The following PXDNL variants were observed in gnomAD, a reference collection of about 807,000 sequenced individuals.
The protein encoded by PXDNL is peroxidasin like.
PXDNL carries 145 observed loss-of-function variants against 150.8 expected under a neutral mutation model. The ratio of observed to expected loss-of-function variants is 0.96; its 90% CI spans 0.84 to 1.10. The LOEUF (loss-of-function observed/expected upper bound fraction) is 1.10. Among genes scored for constraint, PXDNL ranks in the 50% least tolerant of loss-of-function variants. PXDNL has a pLI of 0.00. For missense variants in PXDNL, 2,087 were observed against 1,873.9 expected (o/e 1.11, Z -2.10); for synonymous variants, 757 against 725.7 (o/e 1.04, Z -0.69).
intron 21 of PXDNL, among the ~76,000 whole-genome samples, chr8:51,326,341 T>C (rs1805486763): frequency 6.6e-6 from 1 of 151,968 alleles, no homozygotes; most frequent in Non-Finnish European, 1.5e-5. Context: ...CTGCTAAAAA[T>C]ACAAAAATTA....
intron 4 of PXDNL, among the ~76,000 whole-genome samples, chr8:51,539,086 G>A (rs564935715): frequency 6.6e-6 from 1 of 152,220 alleles, no homozygotes; most frequent in African/African-American, 2.4e-5. Context: ...CACTGAGTAT[G>A]AAATTCACCA....
At chr8:51,768,510 C>T (rs1027393649) in intron 1 of PXDNL, among the ~76,000 whole-genome samples, 2 of 151,896 alleles carry the variant, frequency 1.3e-5, no homozygotes, top group Non-Finnish European at 2.9e-5. Flanking sequence ...AGTGAAACTT[C>T]TGGGAAAAAA....
At chr8:51,361,230 C>T (rs1050798756) in intron 19 of PXDNL, among the ~76,000 whole-genome samples, 1 of 152,088 alleles carries the variant, frequency 6.6e-6, no homozygotes, top group South Asian at 2.1e-4. Flanking sequence ...TGCAGAATCA[C>T]GTTGGATCTG....
At chr8:51,335,078 G>A (rs1805797057) in intron 21 of PXDNL, among the ~76,000 whole-genome samples, 1 of 152,138 alleles carries the variant, frequency 6.6e-6, no homozygotes. Context: ...GTTTAATGAA[G>A]TGAGGAGGCT....
chr8:51,664,585 G>A (rs956431180), intron 1 of PXDNL, among the ~76,000 whole-genome samples: 1 of 152,164 alleles, frequency 6.6e-6, no homozygotes, highest in Non-Finnish European at 1.5e-5. Context: ...TGGTATCGCT[G>A]AGATCAGACT....
intron 18 of PXDNL, among the ~76,000 whole-genome samples, chr8:51,373,718 G>A (rs1439528839): frequency 6.6e-6 from 1 of 152,096 alleles, no homozygotes; most frequent in Non-Finnish European, 1.5e-5. Context: ...TTTGTTTCAA[G>A]TCTTATATAC....
intron 1 of PXDNL, among the ~76,000 whole-genome samples, chr8:51,705,562 C>A (rs1816359101): frequency 6.6e-6 from 1 of 152,196 alleles, no homozygotes; most frequent in Non-Finnish European, 1.5e-5. Context: ...GTGATAATTT[C>A]TCTATCAGAA....
intron 21 of PXDNL, among the ~76,000 whole-genome samples, chr8:51,329,158 A>C (rs1288625905): frequency 6.6e-6 from 1 of 152,222 alleles, no homozygotes; most frequent in Non-Finnish European, 1.5e-5. Flanking sequence ...CCCACTAGAA[A>C]GCTGAGGTTT....
At chr8:51,593,797 C>A (rs1241396067) in intron 2 of PXDNL, among the ~76,000 whole-genome samples, 1 of 152,144 alleles carries the variant, frequency 6.6e-6, no homozygotes, top group South Asian at 2.1e-4. Context: ...GGTGTCCTGG[C>A]CATTGGGAGG....
intron 1 of PXDNL, among the ~76,000 whole-genome samples, chr8:51,744,065 G>A (rs59639172): frequency 0.1 from 4,968 of 47,358 alleles, 538 homozygotes; most frequent in East Asian, 0.24. Context: ...AAGGAAGGAA[G>A]GAAGGAAGGA....
At chr8:51,369,766 A>G (rs1250474606) in intron 19 of PXDNL, among the ~76,000 whole-genome samples, 1 of 152,198 alleles carries the variant, frequency 6.6e-6, no homozygotes, top group East Asian at 1.9e-4. Flanking sequence ...TATTCTTATT[A>G]TTGATTGGGA....
At position 51,409,091 on chromosome 8, in the gene PXDNL, T is replaced by A. The variant is rs565480135; in HGVS notation, c.2533A>T (p.Met845Leu). Residue 845 changes from methionine to leucine, a missense_variant, in exon 17 of 23, where the codon ATG becomes TTG. By Grantham distance (15) the Met-to-Leu change is conservative (BLOSUM62 2). Transcript: ENST00000356297. ...VCTNDPPCFP[M>L]NTRHADPRGT... ...CGGGGGTCGGCGTGCCGGGTGTTCA[T>A]GGGGAAACAAGGAGGGTCGTTGGTG... The A allele has an allele frequency of 6.8e-6, 11 of 1,609,180 alleles. No individual in the cohort carries two copies. Among genetic ancestry groups the A allele is most frequent in the Admixed American group, 1.7e-5 (1 of 59,940 alleles).
intron 2 of PXDNL, among the ~76,000 whole-genome samples, chr8:51,616,198 C>T (rs1020968451): frequency 2.0e-5 from 3 of 152,158 alleles, no homozygotes; most frequent in South Asian, 2.1e-4. Context: ...TTTTCAGTCT[C>T]GTATTTTGAA....
At chr8:51,346,004 A>T in intron 19 of PXDNL, 57 bp from the exon 20 acceptor site, 1 of 1,031,088 alleles carries the variant, frequency 9.7e-7, no homozygotes, top group Admixed American at 1.8e-5. Context: ...TCATGATCTC[A>T]TCTAGATCAT....
At chr8:51,726,534 G>T (rs79877872) in intron 1 of PXDNL, among the ~76,000 whole-genome samples, 12,513 of 152,236 alleles carry the variant, frequency 0.082, 775 homozygotes, top group African/African-American at 0.18. Flanking sequence ...GAGGAAGACA[G>T]GTCTTCATAC....
At position 51,672,536 on chromosome 8, in the gene PXDNL, T is replaced by C. The variant is rs538257432; in HGVS notation, c.165-17776A>G. 1.1e-4 allele frequency among the ~76,000 whole-genome samples: 16 copies of C among 152,280 alleles called. 1 individual carries two copies. The South Asian group carries it at 3.3e-3, about 32-fold the overall frequency. ...ATAGTAGAGAAGGAAATGTCAAAAT[T>C]ACAAATAACCTGAAGCTCTTGGGGA... On this transcript the variant is annotated intron_variant, in intron 1 of 22. Transcript: ENST00000356297.
chr8:51,595,849 G>T (rs898382610), intron 2 of PXDNL, among the ~76,000 whole-genome samples: 1 of 152,028 alleles, frequency 6.6e-6, no homozygotes, highest in Non-Finnish European at 1.5e-5. Flanking sequence ...AGAGGAAAAT[G>T]AGCAAGGAAA....
intron 19 of PXDNL, among the ~76,000 whole-genome samples, chr8:51,352,094 A>G (rs527922304): frequency 1.3e-5 from 2 of 152,188 alleles, no homozygotes; most frequent in East Asian, 3.9e-4. Context: ...GGTCATCTCA[A>G]CAACCATCCA....
chr8:51,682,851 C>T (rs78720871), intron 1 of PXDNL, among the ~76,000 whole-genome samples: 3,861 of 151,900 alleles, frequency 0.025, 91 homozygotes, highest in African/African-American at 0.059. Context: ...TTGCTGGGCC[C>T]CACCCTAGAG....
Sources: gnomAD v4.1 joint callset for allele counts (sites outside exome capture counted in the v4.1 genomes callset) on GRCh38, gnomAD v4.1.1 for gene constraint, MANE v1.5 for transcripts, NCBI Gene and HGNC (gene_info 2026-07-23, HGNC 2026-07-21) for gene names.